ALMS1: variants seen among roughly 807,000 people sequenced by gnomAD.
The protein encoded by ALMS1 is ALMS1 centrosome and basal body associated protein.
In ALMS1, 271 loss-of-function variants were observed where a neutral mutation model predicts 352.2. That is an observed-to-expected ratio of 0.77 (90% CI 0.70 to 0.85). The LOEUF (loss-of-function observed/expected upper bound fraction) is 0.85, where lower values mean the gene tolerates loss of function less well. Among genes scored for constraint, ALMS1 ranks in the 40% least tolerant of loss-of-function variants. The probability of loss-of-function intolerance (pLI) is 0.00; values close to 1 mark genes in which losing one functional copy is unlikely to be tolerated. For missense variants in ALMS1, 5,445 were observed against 4,870.7 expected (o/e 1.12, Z -3.51); for synonymous variants, 1,865 against 1,761.2 (o/e 1.06, Z -1.48).
chr2:73,492,045 G>T (rs1441979188), intron 10 of ALMS1, among the ~76,000 whole-genome samples: 1 of 152,152 alleles, frequency 6.6e-6, no homozygotes, highest in African/African-American at 2.4e-5. Context: ...TCAACATAAT[G>T]TGCTCCCTGA....
chr2:73,409,074 G>A (rs1016075543), intron 2 of ALMS1, among the ~76,000 whole-genome samples: 1 of 151,546 alleles, frequency 6.6e-6, no homozygotes, highest in Non-Finnish European at 1.5e-5. Context: ...ATGGAGTCTC[G>A]CTTTGTTGCC....
chr2:73,451,462 A>G lies in ALMS1; in HGVS notation c.4935A>G (p.Ser1645=), dbSNP rs761857395. 1.2e-6 allele frequency: 2 copies of G among 1,612,682 alleles called. No homozygotes were observed. Among genetic ancestry groups the G allele is most frequent in the African/African-American group, 2.7e-5 (2 of 74,432 alleles). ...SPLNKEVVKV[S]AAPGPADQKT... ...TAAATAAAGAGGTTGTGAAAGTTTC[A>G]GCTGCTCCTGGACCAGCTGACCAGA... is the stretch of plus-strand genomic sequence containing the variant. Residue 1645 remains serine, a synonymous_variant, in exon 8 of 23, where the codon TCA becomes TCG. Coordinates refer to ENST00000613296, the MANE Select transcript of ALMS1 (RefSeq NM_001378454.1).
rs202227966 is a variant in ALMS1 at position 73,599,437 on chromosome 2, T to C, written c.11584T>C (p.Ser3862Pro). 158 of 1,613,526 alleles carry C rather than the reference T, an allele frequency of 9.8e-5. No homozygotes were observed. The African/African-American group carries it at 2.0e-3, about 20-fold the overall frequency. ...NHVISSDSIS[S>P]SASSFLSSNS... ...TGTGATTTCTTCTGACTCTATTTCCTCTTCTGCCAGTAGTTTCCTGAGCTC... is the reference window on the plus strand; with the variant it reads ...TGTGATTTCTTCTGACTCTATTTCCCCTTCTGCCAGTAGTTTCCTGAGCTC... The change falls in exon 17 of 23, where the codon TCT becomes CCT. Residue 3862 changes from serine (S) to proline (P), a missense_variant. Ser to Pro is a moderately conservative substitution (Grantham distance 74). Transcript: ENST00000613296.
At chr2:73,593,969 A>G (rs1230961740) in intron 16 of ALMS1, among the ~76,000 whole-genome samples, 1 of 152,208 alleles carries the variant, frequency 6.6e-6, no homozygotes, top group African/African-American at 2.4e-5. Context: ...CATTGTATCT[A>G]TTCATCAGTT....
intron 17 of ALMS1, among the ~76,000 whole-genome samples, chr2:73,600,134 G>A (rs1192746466): frequency 6.6e-6 from 1 of 152,132 alleles, no homozygotes; most frequent in Admixed American, 6.5e-5. Flanking sequence ...AAGAAAGAAA[G>A]GAGGGAAGAG....
chr2:73,461,807 T>A (rs1425481596), intron 9 of ALMS1, among the ~76,000 whole-genome samples: 1 of 152,114 alleles, frequency 6.6e-6, no homozygotes, highest in East Asian at 1.9e-4. Context: ...ATGTGAAGAA[T>A]GCAGAAGCCT....
chr2:73,408,483 A>T, intron 1 of ALMS1, 139 bp from the exon 2 acceptor site: 1 of 982,586 alleles, frequency 1.0e-6, no homozygotes, highest in Non-Finnish European at 1.5e-6. Context: ...TAGCTTGTAT[A>T]ATGGTTGTGA....
At chr2:73,511,432 C>A (rs1437744831) in intron 10 of ALMS1, among the ~76,000 whole-genome samples, 1 of 151,954 alleles carries the variant, frequency 6.6e-6, no homozygotes, top group Non-Finnish European at 1.5e-5. Context: ...AGTTCCCCAA[C>A]CCGTTGTGCT....
chr2:73,482,546 T>G lies in ALMS1; in HGVS notation c.7675-7088T>G, dbSNP rs371060327. ...ATATTGGTCTAAAATTCTCTTTTTT[T>G]GTTGTGTCTCTGCCTGGCTTTGGTA... On this transcript the variant is annotated intron_variant, in intron 9 of 22. Coordinates refer to ENST00000613296, the MANE Select transcript of ALMS1 (RefSeq NM_001378454.1). Among the ~76,000 whole-genome samples the G allele has an allele frequency of 2.7e-3, 415 of 152,272 alleles. 1 individual carries two copies. Among genetic ancestry groups the G allele is most frequent in the Admixed American group, 6.4e-3 (98 of 15,298 alleles).
rs757128530 is a variant in ALMS1 at position 73,452,217 on chromosome 2, C to T, written c.5690C>T (p.Ser1897Leu). Residue 1897 changes from serine to leucine, a missense_variant, in exon 8 of 23, where the codon TCA (serine) becomes TTA (leucine). By Grantham distance (145) the Ser-to-Leu change is moderately radical. Coordinates refer to ENST00000613296, the MANE Select transcript of ALMS1 (RefSeq NM_001378454.1). ...GIQIASSSSY[S>L]NREKASIFHQ... ...CAAATAGCATCCTCTAGTTCCTACT[C>T]AAATAGAGAGAAGGCCAGTATTTTT... 5.0e-6 allele frequency: 8 copies of T among 1,613,954 alleles called. No homozygotes were observed. In the South Asian group the frequency reaches 6.6e-5, roughly 13 times the overall value.
In ALMS1 at chr2:73,450,911, G is replaced by C. The variant is rs759341398; in HGVS notation, c.4384G>C (p.Val1462Leu). Residue 1462 changes from valine (V) to leucine (L), a missense_variant, in exon 8 of 23, where the codon GTT (valine) becomes CTT (leucine). Physicochemically the swap from Val to Leu is conservative, Grantham distance 32. Coordinates refer to ENST00000613296, the MANE Select transcript of ALMS1 (RefSeq NM_001378454.1). ...GGAAGTTTCAGTTGCTCCTGGACCAGTTGACCAGACGATTGGCACACCAAC... is the reference window on the plus strand; with the variant it reads ...GGAAGTTTCAGTTGCTCCTGGACCACTTGACCAGACGATTGGCACACCAAC... ...ALEVSVAPGPVDQTIGTPTVT... is the reference protein window; with the variant it reads ...ALEVSVAPGPLDQTIGTPTVT... 4.3e-6 allele frequency: 7 copies of C among 1,614,040 alleles called. No individual in the cohort carries two copies. The South Asian group carries it at 7.7e-5, about 18-fold the overall frequency.
chr2:73,494,298 T>C (rs1188203517), intron 10 of ALMS1, among the ~76,000 whole-genome samples: 1 of 152,218 alleles, frequency 6.6e-6, no homozygotes, highest in Non-Finnish European at 1.5e-5. Context: ...CACAAGGTCC[T>C]GAATACCAGG....
intron 16 of ALMS1, among the ~76,000 whole-genome samples, chr2:73,596,653 G>T (rs201650650): frequency 1.4e-5 from 2 of 138,606 alleles, no homozygotes; most frequent in Non-Finnish European, 1.6e-5. Context: ...TGTATTTTTA[G>T]TAGAGACCGG....
At chr2:73,583,530 G>A (rs1003406688) in intron 16 of ALMS1, among the ~76,000 whole-genome samples, 2 of 151,936 alleles carry the variant, frequency 1.3e-5, no homozygotes, top group African/African-American at 4.8e-5. Context: ...TTTTGCTTTC[G>A]TTGCCTGTGA....
At position 73,490,192 on chromosome 2, in the gene ALMS1, G is replaced by A; in HGVS notation, c.8233G>A (p.Ala2745Thr). The A allele has an allele frequency of 6.2e-7, 1 of 1,614,164 alleles. No individual in the cohort carries two copies. Residue 2745 changes from alanine (A) to threonine (T), a missense_variant, in exon 10 of 23, where the codon GCA (alanine) becomes ACA (threonine). Coordinates refer to ENST00000613296, the MANE Select transcript of ALMS1 (RefSeq NM_001378454.1). ...GVTEGSQCTGASVGVFNSHFT... is the reference protein window; with the variant it reads ...GVTEGSQCTGTSVGVFNSHFT... ...TACTGAAGGTAGCCAGTGTACTGGAGCATCTGTGGGGGTATTTAATTCTCA... is the reference window on the plus strand; with the variant it reads ...TACTGAAGGTAGCCAGTGTACTGGAACATCTGTGGGGGTATTTAATTCTCA...
chr2:73,512,719 C>T (rs1027920729), intron 10 of ALMS1, among the ~76,000 whole-genome samples: 4 of 151,994 alleles, frequency 2.6e-5, no homozygotes, highest in African/African-American at 4.8e-5. Flanking sequence ...ATTTGGTGGC[C>T]GGTGGCAGCC....
At chr2:73,586,720 C>T (rs1014149768) in intron 16 of ALMS1, among the ~76,000 whole-genome samples, 21 of 151,946 alleles carry the variant, frequency 1.4e-4, no homozygotes, top group African/African-American at 3.1e-4. Context: ...AGTCATGCTT[C>T]GGCTGTGTGT....
At position 73,491,326 on chromosome 2, in the gene ALMS1, C is replaced by A. The variant is rs751613156; in HGVS notation, c.9367C>A (p.Leu3123Met). 5.6e-6 allele frequency: 9 copies of A among 1,614,064 alleles called. No homozygotes were observed. In the South Asian group the frequency reaches 9.9e-5, roughly 18 times the overall value. Residue 3123 changes from leucine (L) to methionine (M), a missense_variant, in exon 10 of 23, where the codon CTG (leucine) becomes ATG (methionine). Leu to Met is a conservative substitution (Grantham distance 15). Transcript: ENST00000613296. Reference sequence around the variant, plus strand: ...AGGTTTTCTAGGACCTAAATCTTCACTGGATTTCCAAGTCGTACAGCCTTC... The same window carrying A: ...AGGTTTTCTAGGACCTAAATCTTCAATGGATTTCCAAGTCGTACAGCCTTC... ...SLGFLGPKSS[L>M]DFQVVQPSLP... is the part of the protein sequence containing the mutation.
intron 16 of ALMS1, among the ~76,000 whole-genome samples, chr2:73,589,981 A>G (rs1005223582): frequency 6.6e-6 from 1 of 152,102 alleles, no homozygotes; most frequent in African/African-American, 2.4e-5. Flanking sequence ...CTTCTCTGCC[A>G]ATTATTTCTA....
Sources: gnomAD v4.1 joint callset for allele counts (sites outside exome capture counted in the v4.1 genomes callset) on GRCh38, gnomAD v4.1.1 for gene constraint, MANE v1.5 for transcripts, NCBI Gene and HGNC (gene_info 2026-07-23, HGNC 2026-07-21) for gene names.